CSK: variants seen among roughly 807,000 people sequenced by gnomAD.
CSK encodes the protein C-terminal Src kinase, also known as tyrosine-protein kinase CSK.
In CSK, 7 loss-of-function variants were observed where a neutral mutation model predicts 62.3. That is an observed-to-expected ratio of 0.11 (90% CI 0.06 to 0.21). CSK has a LOEUF of 0.21. Among genes scored for constraint, CSK ranks in the 10% least tolerant of loss-of-function variants. The pLI is 1.00. For missense variants in CSK, 294 were observed against 613.5 expected (o/e 0.48, Z 5.50); for synonymous variants, 237 against 246.0 (o/e 0.96, Z 0.34).
chr15:74,785,080 A>G (rs2063495575), intron 1 of CSK, among the ~76,000 whole-genome samples: 1 of 152,166 alleles, frequency 6.6e-6, no homozygotes, highest in Non-Finnish European at 1.5e-5. Flanking sequence ...CGCTACAGGA[A>G]ATTTAGAAAA....
chr15:74,787,928 G>A (rs1253096220), intron 1 of CSK, among the ~76,000 whole-genome samples: 2 of 152,226 alleles, frequency 1.3e-5, no homozygotes, highest in Non-Finnish European at 2.9e-5. Context: ...AGGGAAGGAT[G>A]AAGAGCAAAC....
chr15:74,789,230 G>A (rs1406447138), intron 1 of CSK, among the ~76,000 whole-genome samples: 3 of 152,242 alleles, frequency 2.0e-5, no homozygotes, highest in African/African-American at 7.2e-5. Context: ...GGGTAGGGCA[G>A]CGTGCCCTGG....
chr15:74,792,544 C>T (rs1001967005), intron 1 of CSK, among the ~76,000 whole-genome samples: 2 of 152,156 alleles, frequency 1.3e-5, no homozygotes, highest in African/African-American at 2.4e-5. Flanking sequence ...TAGAGTAGCC[C>T]GACTCTTAAG....
intron 9 of CSK, 102 bp downstream of exon 9, chr15:74,801,204 G>C: frequency 1.5e-6 from 2 of 1,303,736 alleles, no homozygotes; most frequent in Non-Finnish European, 2.2e-6. Flanking sequence ...CCCCAAGTGA[G>C]CTTTTAGGTC....
intron 9 of CSK, 103 bp downstream of exon 9, chr15:74,801,205 C>A: frequency 7.7e-7 from 1 of 1,299,140 alleles, no homozygotes. Flanking sequence ...CCCAAGTGAG[C>A]TTTTAGGTCA....
At chr15:74,800,562 C>T (rs936148572) in intron 6 of CSK, 57 bp downstream of exon 6, 206 of 1,573,628 alleles carry the variant, frequency 1.3e-4, no homozygotes, top group Admixed American at 2.4e-4. Context: ...CGCAGGCTTC[C>T]TGGCACTGCC....
chr15:74,797,303 C>T (rs1286341255), intron 1 of CSK, among the ~76,000 whole-genome samples: 1 of 152,156 alleles, frequency 6.6e-6, no homozygotes, highest in Non-Finnish European at 1.5e-5. Flanking sequence ...CACCTGTAAT[C>T]CCAGCATTTT....
intron 1 of CSK, among the ~76,000 whole-genome samples, chr15:74,791,577 T>G (rs2063620840): frequency 6.6e-6 from 1 of 152,214 alleles, no homozygotes; most frequent in African/African-American, 2.4e-5. Context: ...CCCCAAGTGA[T>G]TTTTATAGCT....
At chr15:74,790,879 T>C (rs1238301718) in intron 1 of CSK, 3 of 152,286 alleles carry the variant, frequency 2.0e-5, no homozygotes, top group East Asian at 1.9e-4. Flanking sequence ...AGCACGGGGA[T>C]GTGTGAGAGG....
At position 74,802,612 on chromosome 15, in the gene CSK, C is replaced by T. The variant is rs2063810798; in HGVS notation, c.*99C>T. 6.8e-7 allele frequency: 1 copy of T among 1,475,032 alleles called. No homozygotes were observed. The highest frequency in any genetic ancestry group is 1.4e-5 in the African/African-American group (1 of 69,704). The allele number at this position is 1,475,032 out of a possible 1,614,324, so 91.4% of individuals were successfully genotyped here. Reference sequence around the variant, plus strand: ...ACTGGGCCCGAGCCTGAACTGAGCCCCAGCGGGCTGGCGGGCCTTTTTCCT... The same window carrying T: ...ACTGGGCCCGAGCCTGAACTGAGCCTCAGCGGGCTGGCGGGCCTTTTTCCT... On this transcript the variant is annotated 3_prime_UTR_variant, in exon 13 of 13. Transcript: ENST00000220003.
chr15:74,801,657 C>T, intron 10 of CSK, 38 bp from the exon 11 acceptor site: 2 of 1,608,982 alleles, frequency 1.2e-6, no homozygotes, highest in South Asian at 1.1e-5. Context: ...GCTATGGGAG[C>T]CCCAGTCTGA....
chr15:74,783,231 C>G (rs890698313), intron 1 of CSK, among the ~76,000 whole-genome samples: 2 of 152,234 alleles, frequency 1.3e-5, no homozygotes, highest in Non-Finnish European at 2.9e-5. Flanking sequence ...GCCTGTCACC[C>G]TTGGCCTCTC....
intron 1 of CSK, among the ~76,000 whole-genome samples, chr15:74,796,605 A>AAAAAG (rs1246893577): frequency 6.6e-5 from 10 of 152,070 alleles, no homozygotes; most frequent in Non-Finnish European, 1.3e-4. Flanking sequence ...AAAAAAAAAA[A>AAAAAG]AAAAGAAAAG....
Position 74,800,837 on chromosome 15 carries a change from G to C in CSK, c.637G>C (p.Asp213His). The change falls in exon 8 of 13, where the codon GAT becomes CAT. Residue 213 changes from aspartate to histidine, a missense_variant. Coordinates refer to ENST00000220003, the MANE Select transcript of CSK (RefSeq NM_004383.3). The stretch of plus-strand genomic sequence containing the variant: ...TCTGCCCCCAGACGTGATGCTGGGC[G>C]ATTACCGAGGGAACAAAGTCGCCGT... ...KGEFGDVMLG[D>H]YRGNKVAVKC... is the part of the protein sequence containing the mutation. The C allele has an allele frequency of 1.2e-6, 2 of 1,612,902 alleles. No homozygotes were observed. The highest frequency in any genetic ancestry group is 1.7e-6 in the Non-Finnish European group (2 of 1,179,666).
Position 74,799,393 on chromosome 15 carries a change from T to C in CSK, c.364T>C (p.Cys122Arg). Residue 122 changes from cysteine to arginine, a missense_variant, in exon 5 of 13, where the codon TGC becomes CGC. Physicochemically the swap from Cys to Arg is radical, Grantham distance 180. Coordinates refer to ENST00000220003, the MANE Select transcript of CSK (RefSeq NM_004383.3). ...CGGAGACTACACGCTGTGCGTGAGC[T>C]GCGACGGCAAGGTGGAGCACTACCG... ...YPGDYTLCVS[C>R]DGKVEHYRIM... The C allele has an allele frequency of 6.2e-7, 1 of 1,613,658 alleles. No homozygotes were observed.
intron 1 of CSK, among the ~76,000 whole-genome samples, chr15:74,786,492 A>G (rs1345647285): frequency 2.6e-5 from 4 of 152,192 alleles, no homozygotes; most frequent in Admixed American, 6.5e-5. Flanking sequence ...ACCCTGTTCC[A>G]GTAGCCAAGG....
chr15:74,786,800 G>A (rs35738366), intron 1 of CSK, among the ~76,000 whole-genome samples: 3,691 of 152,242 alleles, frequency 0.024, 159 homozygotes, highest in African/African-American at 0.085. Context: ...TGACCCTAGG[G>A]TGGCCCAGGA....
At chr15:74,792,063 C>T (rs34446825) in intron 1 of CSK, among the ~76,000 whole-genome samples, 1 of 152,226 alleles carries the variant, frequency 6.6e-6, no homozygotes, top group Non-Finnish European at 1.5e-5. Flanking sequence ...GGGGAGTGTT[C>T]AGTATCGGCA....
At chr15:74,801,911 G>A (rs747552652) in intron 11 of CSK, 21 bp downstream of exon 11, 6 of 1,609,326 alleles carry the variant, frequency 3.7e-6, no homozygotes, top group Non-Finnish European at 4.2e-6. Flanking sequence ...CCTCCCCTGG[G>A]GCCTACAGAG....
Sources: gnomAD v4.1 joint callset for allele counts (sites outside exome capture counted in the v4.1 genomes callset) on GRCh38, gnomAD v4.1.1 for gene constraint, MANE v1.5 for transcripts, NCBI Gene and HGNC (gene_info 2026-07-23, HGNC 2026-07-21) for gene names.